TAF1: variants seen among roughly 807,000 people sequenced by gnomAD.
TAF1 encodes the protein TATA-box binding protein associated factor 1.
Under a neutral mutation model 138.5 loss-of-function variants are expected in TAF1, and 2 were observed. The observed-to-expected ratio is 0.01, with a 90% confidence interval of 0.01 to 0.05. TAF1 has a LOEUF of 0.05. Among genes scored for constraint, TAF1 ranks in the 10% least tolerant of loss-of-function variants. The probability of loss-of-function intolerance (pLI) is 1.00; values close to 1 mark genes in which losing one functional copy is unlikely to be tolerated. For missense variants in TAF1, 709 were observed against 1,478.0 expected (o/e 0.48, Z 8.53); for synonymous variants, 437 against 503.2 (o/e 0.87, Z 1.76).
At chrX:71,449,982 A>C (rs1394804411) in intron 32 of TAF1, among the ~76,000 whole-genome samples, 1 of 111,332 alleles carries the variant, frequency 9.0e-6, no homozygotes, top group Non-Finnish European at 1.9e-5. Context: ...CATATTGCCC[A>C]GGCTGGTCTT....
At chrX:71,383,424 G>A (rs931650997) in intron 12 of TAF1, among the ~76,000 whole-genome samples, 1 of 112,141 alleles carries the variant, frequency 8.9e-6, no homozygotes, top group Non-Finnish European at 1.9e-5. Context: ...AAAAAATGGC[G>A]AAATATAAAC....
In TAF1 at chrX:71,381,033, C is replaced by T. The variant is rs944411273; in HGVS notation, c.1361-710C>T. ...TTAAAACCTAAGAAATAGGTTTTTT[C>T]CCTTCCATTCTGCCCACTTTATGGG... On this transcript the variant is annotated intron_variant, in intron 8 of 37. Transcript: ENST00000423759. Among the ~76,000 whole-genome samples the T allele has an allele frequency of 4.9e-4, 55 of 111,648 alleles. 1 individual carries two copies. The highest frequency in any genetic ancestry group is 3.8e-5 in the Non-Finnish European group (2 of 53,137).
intron 16 of TAF1, 82 bp downstream of exon 16, chrX:71,388,460 A>C: frequency 8.9e-7 from 1 of 1,123,884 alleles, no homozygotes; most frequent in South Asian, 2.1e-5. Flanking sequence ...ATAAGCATAT[A>C]GTTAATAAAA....
chrX:71,523,137 G>A (rs2039934168), intron 13 of TAF1, among the ~76,000 whole-genome samples: 1 of 91,280 alleles, frequency 1.1e-5, no homozygotes, highest in Non-Finnish European at 2.1e-5. Context: ...AGCCGAGATC[G>A]TACCACTGCG....
chrX:71,426,708 T>TC (rs940057270), intron 32 of TAF1, among the ~76,000 whole-genome samples: 2 of 104,329 alleles, frequency 1.9e-5, no homozygotes, highest in African/African-American at 3.5e-5. Flanking sequence ...AGAGTGAAAC[T>TC]CCATCTCAAA....
At chrX:71,404,871 A>T (rs1245937752) in intron 25 of TAF1, among the ~76,000 whole-genome samples, 1 of 110,034 alleles carries the variant, frequency 9.1e-6, no homozygotes, top group Non-Finnish European at 1.9e-5. Flanking sequence ...CAACAAACCC[A>T]TAAAGTAGGT....
chrX:71,369,310 C>G (rs1276479903), intron 3 of TAF1, among the ~76,000 whole-genome samples: 1 of 111,487 alleles, frequency 9.0e-6, no homozygotes, highest in Non-Finnish European at 1.9e-5. Flanking sequence ...AAACAATGAA[C>G]TTGATACCTG....
Position 71,425,719 on chromosome X carries a change from C to T in TAF1, c.4753+1481C>T, listed in dbSNP as rs1263699601. Among the ~76,000 whole-genome samples, 4 of 110,860 alleles carry T rather than the reference C, an allele frequency of 3.6e-5. No individual in the cohort carries two copies. The South Asian group carries it at 1.1e-3, about 31-fold the overall frequency. ...AGAAGTATGTGCAGATTGCATCAGA[C>T]GAGAGCAAGGAATAACCTGAGAGTT... On this transcript the variant is annotated intron_variant, in intron 32 of 37. Coordinates refer to ENST00000423759, the MANE Select transcript of TAF1 (RefSeq NM_004606.5).
chrX:71,502,181 CAG>C (rs1191943363), intron 13 of TAF1, among the ~76,000 whole-genome samples: 1 of 111,762 alleles, frequency 8.9e-6, no homozygotes, highest in African/African-American at 3.3e-5. Flanking sequence ...GTCCATTTTA[CAG>C]AGTGCTGATT....
chrX:71,383,940 G>C lies in TAF1; in HGVS notation c.1948-22G>C, dbSNP rs28382165. Reference sequence around the variant, plus strand: ...GTAGTGTCCTGTCAGGAGCTAGATGGTATTTTCTTTGTTCTGGACAGATGA... The same window carrying C: ...GTAGTGTCCTGTCAGGAGCTAGATGCTATTTTCTTTGTTCTGGACAGATGA... On this transcript the variant is annotated intron_variant, in intron 12 of 37. Transcript: ENST00000423759. 6.6e-3 allele frequency: 7,877 copies of C among 1,200,169 alleles called. 334 individuals carry two copies. The African/African-American group carries it at 0.12, about 19-fold the overall frequency.
intron 13 of TAF1, among the ~76,000 whole-genome samples, chrX:71,502,306 G>T (rs896869940): frequency 5.4e-5 from 6 of 110,255 alleles, no homozygotes; most frequent in African/African-American, 2.0e-4. Flanking sequence ...TGATTGGTGC[G>T]TTTTTACAGA....
At chrX:71,506,551 C>T (rs1309322232) in intron 13 of TAF1, among the ~76,000 whole-genome samples, 6 of 107,614 alleles carry the variant, frequency 5.6e-5, no homozygotes, top group Non-Finnish European at 1.1e-4. Flanking sequence ...AAAAAGTAGC[C>T]GGGCATGGTG....
chrX:71,435,856 G>A (rs1336819055), intron 32 of TAF1, among the ~76,000 whole-genome samples: 1 of 109,778 alleles, frequency 9.1e-6, no homozygotes, highest in East Asian at 2.8e-4. Flanking sequence ...CCCCAAGATA[G>A]CAAACCATAT....
intron 32 of TAF1, among the ~76,000 whole-genome samples, chrX:71,428,890 C>T (rs1395464464): frequency 5.4e-5 from 6 of 111,827 alleles, no homozygotes; most frequent in Non-Finnish European, 1.1e-4. Context: ...AGGAAACACA[C>T]CAGAGTGATA....
chrX:71,483,770 C>CTATA (rs1366024216), intron 13 of TAF1, among the ~76,000 whole-genome samples: 16 of 77,135 alleles, frequency 2.1e-4, no homozygotes, highest in African/African-American at 4.9e-4. Flanking sequence ...CTCTCTCTCT[C>CTATA]TCTCTCTCTC....
chrX:71,443,703 G>GT (rs963001562), intron 32 of TAF1, among the ~76,000 whole-genome samples: 120 of 111,039 alleles, frequency 1.1e-3, no homozygotes, highest in African/African-American at 3.6e-3. Flanking sequence ...TTAATTGTGT[G>GT]TTTTTTTGTT....
chrX:71,503,227 C>T (rs1295265041), intron 13 of TAF1, among the ~76,000 whole-genome samples: 1 of 100,634 alleles, frequency 9.9e-6, no homozygotes. Context: ...GCCAAGATCC[C>T]GACACTACAC....
At chrX:71,396,005 C>T (rs1002675636) in intron 22 of TAF1, among the ~76,000 whole-genome samples, 4 of 109,536 alleles carry the variant, frequency 3.7e-5, no homozygotes, top group African/African-American at 6.6e-5. Context: ...AAAAATTAGC[C>T]GGGCATGATG....
intron 29 of TAF1, among the ~76,000 whole-genome samples, chrX:71,422,879 A>G (rs2036422280): frequency 9.0e-6 from 1 of 110,533 alleles, no homozygotes; most frequent in African/African-American, 3.3e-5. Flanking sequence ...AGCTGGGACT[A>G]TAGGCGCCCG....
Sources: gnomAD v4.1 joint callset for allele counts (sites outside exome capture counted in the v4.1 genomes callset) on GRCh38, gnomAD v4.1.1 for gene constraint, MANE v1.5 for transcripts, NCBI Gene and HGNC (gene_info 2026-07-23, HGNC 2026-07-21) for gene names.